Variants in KLF8 observed in about 807,000 individuals in gnomAD.
KLF8 encodes the protein Krueppel-like factor 8.
In KLF8, 10 loss-of-function variants were observed where a neutral mutation model predicts 18.2. That is an observed-to-expected ratio of 0.55 (90% confidence interval 0.34 to 0.93). The LOEUF is 0.93. Among genes scored for constraint, KLF8 ranks in the 40% least tolerant of loss-of-function variants. The pLI is 0.02. For synonymous variants in KLF8, 109 were observed against 97.3 expected, an observed-to-expected ratio of 1.12 and a Z score of -0.71; for missense variants, 264 against 277.9, an observed-to-expected ratio of 0.95 and a Z score of 0.36.
At chrX:56,083,057 G>C in the KLF8 span, among the ~76,000 whole-genome samples, 1 of 111,408 alleles carries the variant, frequency 9.0e-6, no homozygotes. Flanking sequence ...TCTTGGATTT[G>C]TATATCCTTG....
the KLF8 span, among the ~76,000 whole-genome samples, chrX:56,063,519 A>G: frequency 9.0e-6 from 1 of 111,549 alleles, no homozygotes; most frequent in African/African-American, 3.3e-5. Flanking sequence ...ATTGCTGCCT[A>G]TTCCTTCCTC....
the KLF8 span, among the ~76,000 whole-genome samples, chrX:56,070,250 G>T: frequency 2.7e-5 from 3 of 110,193 alleles, no homozygotes; most frequent in Non-Finnish European, 5.7e-5. Context: ...GCCTGTCGGG[G>T]TGTTAGAGGG....
chrX:55,925,697 G>T, the KLF8 span, among the ~76,000 whole-genome samples: 3 of 111,576 alleles, frequency 2.7e-5, no homozygotes, highest in East Asian at 2.8e-4. Context: ...GGTTGGAAAA[G>T]ACCTCAAGGA....
the KLF8 span, among the ~76,000 whole-genome samples, chrX:56,058,302 A>ACACATATATATATATATATG: frequency 4.5e-5 from 3 of 66,483 alleles, no homozygotes; most frequent in African/African-American, 2.1e-4. Flanking sequence ...ATATATATAT[A>ACACATATATATATATATATG]TATATATATA....
At chrX:56,035,217 G>C in the KLF8 span, among the ~76,000 whole-genome samples, 2 of 111,672 alleles carry the variant, frequency 1.8e-5, no homozygotes, top group Non-Finnish European at 3.8e-5. Flanking sequence ...GAGCATACAT[G>C]GTTTAACCTT....
intron 5 of KLF8, among the ~76,000 whole-genome samples, chrX:56,272,763 GC>G (rs2067073878): frequency 9.0e-6 from 1 of 111,140 alleles, no homozygotes; most frequent in Non-Finnish European, 1.9e-5. Context: ...CCACACAGTA[GC>G]CAGAGGATTT....
the KLF8 span, among the ~76,000 whole-genome samples, chrX:56,017,843 C>T: frequency 3.6e-5 from 4 of 111,904 alleles, no homozygotes; most frequent in African/African-American, 1.3e-4. Flanking sequence ...CCCAATATAT[C>T]TGACCCTACT....
At chrX:55,990,421 A>G in the KLF8 span, among the ~76,000 whole-genome samples, 4 of 112,260 alleles carry the variant, frequency 3.6e-5, no homozygotes, top group African/African-American at 1.3e-4. Flanking sequence ...CATTGGTTTC[A>G]AAGAACAACT....
the KLF8 span, among the ~76,000 whole-genome samples, chrX:56,095,397 G>A: frequency 2.7e-5 from 3 of 112,478 alleles, no homozygotes; most frequent in African/African-American, 9.7e-5. Context: ...AAACTCTTTT[G>A]GACATTGGCC....
At chrX:56,193,724 C>T in the KLF8 span, among the ~76,000 whole-genome samples, 4 of 111,707 alleles carry the variant, frequency 3.6e-5, no homozygotes, top group African/African-American at 1.3e-4. Context: ...CACAGAAACA[C>T]AAACTTCACA....
chrX:56,200,727 A>T, the KLF8 span, among the ~76,000 whole-genome samples: 2 of 111,712 alleles, frequency 1.8e-5, no homozygotes, highest in Middle Eastern at 4.7e-3. Context: ...TAAATGTGTT[A>T]ATAATCAAAT....
At chrX:56,031,794 A>T in the KLF8 span, among the ~76,000 whole-genome samples, 1 of 111,414 alleles carries the variant, frequency 9.0e-6, no homozygotes, top group Admixed American at 9.5e-5. Flanking sequence ...AGCTGGAAGG[A>T]TCGGCAGACT....
chrX:56,110,963 C>T, the KLF8 span, among the ~76,000 whole-genome samples: 1 of 111,214 alleles, frequency 9.0e-6, no homozygotes, highest in Non-Finnish European at 1.9e-5. Flanking sequence ...CTGTCTAATG[C>T]CCTTTTATCT....
the KLF8 span, among the ~76,000 whole-genome samples, chrX:56,193,491 G>A: frequency 1.8e-5 from 2 of 111,702 alleles, no homozygotes; most frequent in Non-Finnish European, 3.8e-5. Flanking sequence ...AGAAAGGAAA[G>A]CATTATATCT....
At chrX:56,220,825 ATTCT>A in the KLF8 span, among the ~76,000 whole-genome samples, 6 of 112,668 alleles carry the variant, frequency 5.3e-5, no homozygotes, top group Non-Finnish European at 9.4e-5. Flanking sequence ...TAGACTCTTA[ATTCT>A]TTGAGAGGCA....
At chrX:55,937,800 G>T in the KLF8 span, among the ~76,000 whole-genome samples, 4 of 111,968 alleles carry the variant, frequency 3.6e-5, no homozygotes, top group East Asian at 8.4e-4. Context: ...TGAATGAAAT[G>T]AAGGGAGAAA....
the KLF8 span, among the ~76,000 whole-genome samples, chrX:56,090,556 T>A: frequency 8.9e-6 from 1 of 112,364 alleles, no homozygotes; most frequent in Non-Finnish European, 1.9e-5. Flanking sequence ...TGATTTACAT[T>A]ACTGTGATGA....
chrX:56,007,473 C>T, the KLF8 span, among the ~76,000 whole-genome samples: 2 of 111,525 alleles, frequency 1.8e-5, no homozygotes, highest in Non-Finnish European at 3.8e-5. Context: ...TTACAGGAGT[C>T]TGTGGTGGGA....
chrX:56,265,885 A>G (rs185179364), intron 3 of KLF8, 141 bp downstream of exon 3: 7 of 1,063,137 alleles, frequency 6.6e-6, no homozygotes, highest in Admixed American at 7.8e-5. Flanking sequence ...ACTGTTTTTT[A>G]TGTCTTTTTA....
Sources: allele counts gnomAD v4.1 joint callset (sites outside exome capture counted in the v4.1 genomes callset), GRCh38; gene constraint gnomAD v4.1.1; transcripts MANE v1.5; gene names NCBI Gene and HGNC (gene_info 2026-07-23, HGNC 2026-07-21).